SLC9A5: variants seen among roughly 807,000 people sequenced by gnomAD.
SLC9A5 encodes the protein solute carrier family 9 member A5.
In SLC9A5, 52 loss-of-function variants were observed where a neutral mutation model predicts 91.7. The observed-to-expected ratio is 0.57, with a 90% CI of 0.45 to 0.71. SLC9A5 has a LOEUF of 0.71. Among genes scored for constraint, SLC9A5 ranks in the 30% least tolerant of loss-of-function variants. The pLI, the probability that SLC9A5 is intolerant of heterozygous loss-of-function variation, is 0.00. For synonymous variants in SLC9A5, 419 were observed against 474.5 expected (o/e 0.88, Z 1.52); for missense variants, 871 against 1,158.9 (o/e 0.75, Z 3.61).
In SLC9A5 at chr16:67,255,987, C is replaced by T. The variant is rs1004221939; in HGVS notation, c.911+57C>T. 3 of 1,564,220 alleles carry T rather than the reference C, an allele frequency of 1.9e-6. No homozygotes were observed. The highest frequency in any genetic ancestry group is 1.3e-5 in the African/African-American group (1 of 74,104). On this transcript the variant is annotated intron_variant, in intron 5 of 15. Transcript: ENST00000299798. This position sits in a 1 kb window ranked among gnomAD's most constrained non-coding sequence, Gnocchi z 4.9. ...TGGGAGGGGGCACTGGAGATGGTTG[C>T]CCCTCATAGGGACACAGGCAGGAAC...
chr16:67,252,372 C>T lies in SLC9A5; in HGVS notation c.188-170C>T, dbSNP rs144362405. ...GGCTGAGGCAGGAGAATCACTTGAA[C>T]CCGGGAGGTGAAGGTTGCAGTGAGC... On this transcript the variant is annotated intron_variant, in intron 1 of 15. Coordinates refer to ENST00000299798, the MANE Select transcript of SLC9A5 (RefSeq NM_004594.3). The surrounding 1 kb of genome is among the most constrained non-coding windows in gnomAD (Gnocchi z 4.0). 0.02 allele frequency among the ~76,000 whole-genome samples: 3,050 copies of T among 152,156 alleles called. 65 individuals are homozygous for T. The highest frequency in any genetic ancestry group is 0.03 in the Non-Finnish European group (2,038 of 67,992).
intron 12 of SLC9A5, chr16:67,261,547 G>A (rs2035529774): frequency 6.6e-6 from 1 of 151,966 alleles, no homozygotes; most frequent in Non-Finnish European, 1.5e-5. Context: ...GTCTCTCTAG[G>A]TGGCAAGAAC....
At chr16:67,262,387 A>T in intron 12 of SLC9A5, 6 of 396,948 alleles carry the variant, frequency 1.5e-5, no homozygotes, top group Non-Finnish European at 3.1e-5. Flanking sequence ...AGAGACAGAG[A>T]TATCTAGTTT....
At chr16:67,261,122 A>T (rs2035517179) in intron 12 of SLC9A5, 1 of 152,224 alleles carries the variant, frequency 6.6e-6, no homozygotes, top group South Asian at 2.1e-4. Context: ...AACAGCGCCC[A>T]GAATGGAAGT....
At chr16:67,268,689 TATATATATATATATATA>T (rs2035814245) in intron 15 of SLC9A5, among the ~76,000 whole-genome samples, 2 of 79,598 alleles carry the variant, frequency 2.5e-5, no homozygotes, top group African/African-American at 1.5e-4. Flanking sequence ...TATATATATA[TATATATATATATATATA>T]TATATTTTTA....
At chr16:67,259,318 C>T (rs1340534437) in intron 10 of SLC9A5, among the ~76,000 whole-genome samples, 2 of 129,968 alleles carry the variant, frequency 1.5e-5, no homozygotes, top group East Asian at 4.4e-4. Flanking sequence ...GAGCCGAGAT[C>T]GTGTCACTGC....
chr16:67,264,542 C>T lies in SLC9A5; in HGVS notation c.2013+20C>T. Reference sequence around the variant, plus strand: ...AGGAAGGCATGTCTTCCCTCAGGGACTCCTCTTGGGAGCTGGAGGCTGACA... The same window carrying T: ...AGGAAGGCATGTCTTCCCTCAGGGATTCCTCTTGGGAGCTGGAGGCTGACA... On this transcript the variant is annotated intron_variant, in intron 13 of 15. Transcript: ENST00000299798. The T allele has an allele frequency of 1.2e-6, 2 of 1,613,454 alleles. No individual in the cohort carries two copies. Among genetic ancestry groups the T allele is most frequent in the South Asian group, 1.1e-5 (1 of 91,070 alleles).
chr16:67,264,558 G>A (rs142154843), intron 13 of SLC9A5, 36 bp downstream of exon 13: 1 of 1,609,190 alleles, frequency 6.2e-7, no homozygotes, highest in Non-Finnish European at 8.5e-7. Context: ...TTGGGAGCTG[G>A]AGGCTGACAG....
At chr16:67,264,259 G>A (rs949393126) in intron 12 of SLC9A5, 93 bp from the exon 13 acceptor site, 5 of 1,101,618 alleles carry the variant, frequency 4.5e-6, no homozygotes, top group Non-Finnish European at 5.4e-6. Context: ...GGGCTGGCAG[G>A]TCCTGTGGTG....
In SLC9A5 at chr16:67,264,412, G is replaced by A; in HGVS notation, c.1903G>A (p.Glu635Lys). 6.2e-7 allele frequency: 1 copy of A among 1,614,180 alleles called. No individual in the cohort carries two copies. Among genetic ancestry groups the A allele is most frequent in the Non-Finnish European group, 8.5e-7 (1 of 1,180,026 alleles). The change falls in exon 13 of 16, where the codon GAG (glutamate) becomes AAG (lysine). Residue 635 changes from glutamate (E) to lysine (K), a missense_variant. Physicochemically the swap from Glu to Lys is moderately conservative, Grantham distance 56. Coordinates refer to ENST00000299798, the MANE Select transcript of SLC9A5 (RefSeq NM_004594.3). ...SEDAQERQDK[E>K]VFQQNMKRRL... ...GGATGCGCAGGAGCGGCAGGACAAG[G>A]AGGTCTTCCAGCAGAACATGAAGCG...
rs2035870099 is a variant in SLC9A5, at chr16:67,270,186, T to G, written c.2219-552T>G. The stretch of plus-strand genomic sequence containing the variant: ...CCTGCTTTTGCTATCTTCTTATTTT[T>G]TATTTTTATTTATTTTTTATATAGA... On this transcript the variant is annotated intron_variant, in intron 15 of 15. Coordinates refer to ENST00000299798, the MANE Select transcript of SLC9A5 (RefSeq NM_004594.3). The surrounding 1 kb of genome is among the most constrained non-coding windows in gnomAD (Gnocchi z 4.3). 1.3e-5 allele frequency among the ~76,000 whole-genome samples: 2 copies of G among 152,104 alleles called. No homozygotes were observed. The highest frequency in any genetic ancestry group is 4.1e-4 in the South Asian group (2 of 4,830).
chr16:67,257,463 G>A lies in SLC9A5; in HGVS notation c.1425+29G>A, dbSNP rs371892988. On this transcript the variant is annotated intron_variant, in intron 8 of 15. Coordinates refer to ENST00000299798, the MANE Select transcript of SLC9A5 (RefSeq NM_004594.3). The surrounding 1 kb of genome is among the most constrained non-coding windows in gnomAD (Gnocchi z 5.1). Reference sequence around the variant, plus strand: ...GGTATCAGAACCCCAGCCCTCGCCTGTCCCTCTCGACCTTCTCCTATTTTG... The same window carrying A: ...GGTATCAGAACCCCAGCCCTCGCCTATCCCTCTCGACCTTCTCCTATTTTG... 4 of 1,613,512 alleles carry A rather than the reference G, an allele frequency of 2.5e-6. No individual in the cohort carries two copies. Among genetic ancestry groups the A allele is most frequent in the African/African-American group, 2.7e-5 (2 of 75,032 alleles).
At chr16:67,264,963 C>T (rs988003999) in intron 13 of SLC9A5, 77 bp from the exon 14 acceptor site, 1 of 1,464,538 alleles carries the variant, frequency 6.8e-7, no homozygotes, top group African/African-American at 1.4e-5. Context: ...AAAACTTGTC[C>T]TGTTGACCCC....
At position 67,265,086 on chromosome 16, in the gene SLC9A5, G is replaced by C; in HGVS notation, c.2060G>C (p.Gly687Ala). The change falls in exon 14 of 16, where the codon GGC becomes GCC. Residue 687 changes from glycine (G) to alanine (A), a missense_variant. By Grantham distance (60) the Gly-to-Ala change is moderately conservative. Around this residue, in one of 3 missense-constraint regions of SLC9A5, gnomAD observed 295 missense variants for 326.0 expected, o/e 0.90. Transcript: ENST00000299798. ...NAEATNGKHRGLGFQDTAAVI... is the reference protein window; with the variant it reads ...NAEATNGKHRALGFQDTAAVI... The stretch of plus-strand genomic sequence containing the variant: ...GAGGCTACAAATGGGAAACATCGAG[G>C]CCTGGGCTTTCAGGACACAGGCAAG... 1 of 1,614,124 alleles carries C rather than the reference G, an allele frequency of 6.2e-7. No individual in the cohort carries two copies. Among genetic ancestry groups the C allele is most frequent in the Non-Finnish European group, 8.5e-7 (1 of 1,180,030 alleles).
Position 67,257,474 on chromosome 16 carries a change from C to A in SLC9A5, c.1425+40C>A. The A allele has an allele frequency of 1.2e-6, 2 of 1,613,236 alleles. No individual in the cohort carries two copies. Among genetic ancestry groups the A allele is most frequent in the East Asian group, 2.2e-5 (1 of 44,880 alleles). ...CCCAGCCCTCGCCTGTCCCTCTCGA[C>A]CTTCTCCTATTTTGGGCAGAGTCCT... On this transcript the variant is annotated intron_variant, in intron 8 of 15. Transcript: ENST00000299798. This position sits in a 1 kb window ranked among gnomAD's most constrained non-coding sequence, Gnocchi z 5.1.
intron 15 of SLC9A5, among the ~76,000 whole-genome samples, chr16:67,266,629 C>G (rs1567419531): frequency 6.6e-6 from 1 of 152,032 alleles, no homozygotes; most frequent in African/African-American, 2.4e-5. Context: ...CAACCTCTGG[C>G]TCCCGGGTTC....
At chr16:67,254,980 G>A (rs781395745) in intron 2 of SLC9A5, 41 bp from the exon 3 acceptor site, 42 of 1,583,516 alleles carry the variant, frequency 2.7e-5, no homozygotes, top group Admixed American at 3.4e-5. Context: ...AGACTGGGTC[G>A]TCTTCAATGA....
At position 67,252,394 on chromosome 16, in the gene SLC9A5, G is replaced by T; in HGVS notation, c.188-148G>T. 2.9e-6 allele frequency: 2 copies of T among 692,368 alleles called. No individual in the cohort carries two copies. The highest frequency in any genetic ancestry group is 2.6e-5 in the East Asian group (1 of 38,482). 42.9% of individuals were successfully genotyped at this position (692,368 alleles called of 1,614,324 possible). A position where few individuals can be genotyped will look rare whatever the true frequency, so the allele number is the denominator to read the frequency against. On this transcript the variant is annotated intron_variant, in intron 1 of 15. Coordinates refer to ENST00000299798, the MANE Select transcript of SLC9A5 (RefSeq NM_004594.3). This position sits in a 1 kb window ranked among gnomAD's most constrained non-coding sequence, Gnocchi z 4.0. Reference sequence around the variant, plus strand: ...GAACCCGGGAGGTGAAGGTTGCAGTGAGCTGAGATTGTGCTACTGCACTCC... The same window carrying T: ...GAACCCGGGAGGTGAAGGTTGCAGTTAGCTGAGATTGTGCTACTGCACTCC...
At chr16:67,259,260 G>A (rs948126542) in intron 10 of SLC9A5, among the ~76,000 whole-genome samples, 1 of 130,934 alleles carries the variant, frequency 7.6e-6, no homozygotes, top group African/African-American at 3.0e-5. Context: ...GAGCAAGACT[G>A]TGTCTCAAAA....
Sources: allele counts gnomAD v4.1 joint callset (sites outside exome capture counted in the v4.1 genomes callset), GRCh38; gene constraint gnomAD v4.1.1; regional missense constraint gnomAD v4.1.1; non-coding constraint Gnocchi (gnomAD v3.1); transcripts MANE v1.5; gene names NCBI Gene and HGNC (gene_info 2026-07-23, HGNC 2026-07-21).